Variants in DHX9 observed in about 807,000 individuals in gnomAD.
DHX9 encodes the protein DExH-box helicase 9.
Under a neutral mutation model 148.7 loss-of-function variants are expected in DHX9, and 27 were observed. The ratio of observed to expected loss-of-function variants is 0.18; its 90% CI spans 0.13 to 0.25. The LOEUF is 0.25. Ranked by LOEUF, DHX9 falls within the 10% of genes least tolerant of loss-of-function variation. The pLI is 1.00. For synonymous variants in DHX9, 529 were observed against 516.6 expected (o/e 1.02, Z -0.33); for missense variants, 796 against 1,559.6 (o/e 0.51, Z 8.25).
chr1:182,845,961 TA>T (rs1414277092), intron 3 of DHX9, among the ~76,000 whole-genome samples: 1 of 152,200 alleles, frequency 6.6e-6, no homozygotes, highest in African/African-American at 2.4e-5. Flanking sequence ...CTTTGGTTTT[TA>T]TGGAAACTTC....
chr1:182,867,064 A>G (rs1648324667), intron 14 of DHX9, 21 bp downstream of exon 14: 4 of 1,454,196 alleles, frequency 2.8e-6, no homozygotes, highest in Non-Finnish European at 3.8e-6. Context: ...TGAGAGGTAC[A>G]GTAAGGTACT....
chr1:182,853,512 T>C, intron 5 of DHX9, 94 bp downstream of exon 5: 1 of 897,602 alleles, frequency 1.1e-6, no homozygotes, highest in South Asian at 1.7e-5. Context: ...AAGTTAATAA[T>C]TGGGTGCATC....
chr1:182,839,376 G>A lies in DHX9; in HGVS notation c.-103G>A, dbSNP rs1176085503. 3.3e-5 allele frequency: 5 copies of A among 152,366 alleles called. No individual in the cohort carries two copies. The highest frequency in any genetic ancestry group is 2.1e-4 in the South Asian group (1 of 4,832). 9.4% of individuals were successfully genotyped at this position (152,366 alleles called of 1,614,324 possible). On this transcript the variant is annotated 5_prime_UTR_variant, in exon 1 of 28. Transcript: ENST00000367549. ...TTTCGCCGATTCCTCCATGCGAGTT[G>A]CTGTGCGTTTCTCTGTTGTCTCGGT...
rs755084781 is a variant in DHX9 at position 182,866,932 on chromosome 1, A to G, written c.1475-29A>G. 30 of 1,567,842 alleles carry G rather than the reference A, an allele frequency of 1.9e-5. No individual in the cohort carries two copies. In the Middle Eastern group the frequency reaches 8.9e-4, roughly 47 times the overall value. On this transcript the variant is annotated intron_variant, in intron 13 of 27. Transcript: ENST00000367549. ...TAGATTTACTACTTTGAACTTTTCT[A>G]TAGTTTATTGATTGTTTTTCTTTTC...
chr1:182,866,886 T>C (rs1388108847), intron 13 of DHX9, 75 bp from the exon 14 acceptor site: 2 of 1,170,240 alleles, frequency 1.7e-6, no homozygotes, highest in Non-Finnish European at 2.5e-6. Flanking sequence ...GTCTCTTAGT[T>C]GAAATATAGA....
At chr1:182,846,513 C>T (rs1374110829) in intron 3 of DHX9, among the ~76,000 whole-genome samples, 6 of 152,184 alleles carry the variant, frequency 3.9e-5, no homozygotes, top group Non-Finnish European at 7.3e-5. Flanking sequence ...GGATTACAGG[C>T]GTGAGCCACT....
intron 20 of DHX9, among the ~76,000 whole-genome samples, chr1:182,878,989 C>T (rs556927180): frequency 3.3e-5 from 5 of 152,320 alleles, no homozygotes; most frequent in East Asian, 1.9e-4. Flanking sequence ...TAATAACATT[C>T]GCGATTTTGG....
chr1:182,858,753 A>T lies in DHX9; in HGVS notation c.921A>T (p.Pro307=), dbSNP rs1437088164. 1 of 1,614,116 alleles carries T rather than the reference A, an allele frequency of 6.2e-7. No individual in the cohort carries two copies. Among genetic ancestry groups the T allele is most frequent in the Non-Finnish European group, 8.5e-7 (1 of 1,180,022 alleles). ...AATAGCCTGAAGATCCTTCTGTGCC[A>T]GTTGCACTCAACATTGGCAAATTGG... ...ILPPPEDPSV[P]VALNIGKLAQ... Residue 307 remains proline, a synonymous_variant, in exon 10 of 28, where the codon CCA becomes CCT. Transcript: ENST00000367549.
At chr1:182,847,279 A>G (rs1293342486) in intron 3 of DHX9, among the ~76,000 whole-genome samples, 1 of 152,134 alleles carries the variant, frequency 6.6e-6, no homozygotes, top group Non-Finnish European at 1.5e-5. Flanking sequence ...GTATCAAATA[A>G]TTTTTTATTG....
At chr1:182,852,090 C>T (rs1668161035) in intron 3 of DHX9, 143 bp from the exon 4 acceptor site, 2 of 558,268 alleles carry the variant, frequency 3.6e-6, no homozygotes, top group Admixed American at 7.0e-5. Context: ...ATGCACTGCT[C>T]TAGAGACTTA....
At chr1:182,873,106 A>C (rs554398460) in intron 15 of DHX9, among the ~76,000 whole-genome samples, 185 of 152,110 alleles carry the variant, frequency 1.2e-3, no homozygotes, top group Middle Eastern at 3.4e-3. Flanking sequence ...CAGGCGCACA[A>C]CACCACGCCT....
At chr1:182,842,814 T>C in intron 2 of DHX9, 137 bp downstream of exon 2, 1 of 581,476 alleles carries the variant, frequency 1.7e-6, no homozygotes, top group South Asian at 2.7e-5. Context: ...TTGACTGCTA[T>C]TGTAAATCAT....
chr1:182,875,168 G>T (rs768489891), intron 16 of DHX9: 2 of 580,982 alleles, frequency 3.4e-6, no homozygotes, highest in Non-Finnish European at 6.5e-6. Flanking sequence ...ATTATCTCTG[G>T]CGTAAAGATC....
intron 23 of DHX9, 28 bp downstream of exon 23, chr1:182,881,453 T>A (rs774567187): frequency 6.2e-7 from 1 of 1,610,660 alleles, no homozygotes; most frequent in South Asian, 1.1e-5. Context: ...GTGAGCTGTC[T>A]GTAGTTTCTC....
chr1:182,881,264 C>T lies in DHX9; in HGVS notation c.2625C>T (p.Tyr875=), dbSNP rs116290610. 6.3e-3 allele frequency: 10,203 copies of T among 1,611,216 alleles called. 63 individuals carry two copies. Among genetic ancestry groups the T allele is most frequent in the African/African-American group, 0.019 (1,442 of 74,822 alleles). Residue 875 remains tyrosine (Y), a splice_region_variant and synonymous_variant, in exon 23 of 28, where the codon TAC becomes TAT. Coordinates refer to ENST00000367549, the MANE Select transcript of DHX9 (RefSeq NM_001357.5). ...GKMMIMGCIF[Y]VGDAICTIAA... ...ATTTAACTGTCTTTGTGTATTTCAGCGTGGGAGATGCTATCTGTACCATTG... is the reference window on the plus strand; with the variant it reads ...ATTTAACTGTCTTTGTGTATTTCAGTGTGGGAGATGCTATCTGTACCATTG...
Position 182,887,532 on chromosome 1 carries a change from G to T in DHX9, c.*98G>T. On this transcript the variant is annotated 3_prime_UTR_variant, in exon 28 of 28. Transcript: ENST00000367549. ...CAGTATGTTTATTTGCCACCAAAAAGTAAATGCATTTTCACCCATTCTGTG... is the reference window on the plus strand; with the variant it reads ...CAGTATGTTTATTTGCCACCAAAAATTAAATGCATTTTCACCCATTCTGTG... 1 of 1,106,708 alleles carries T rather than the reference G, an allele frequency of 9.0e-7. No individual in the cohort carries two copies. 68.6% of individuals were successfully genotyped at this position (1,106,708 alleles called of 1,614,324 possible).
chr1:182,859,423 G>C (rs143056951), intron 11 of DHX9, among the ~76,000 whole-genome samples: 1 of 152,146 alleles, frequency 6.6e-6, no homozygotes, highest in Non-Finnish European at 1.5e-5. Flanking sequence ...AAAAGAATGC[G>C]TGTGCGACTT....
chr1:182,882,902 A>G (rs531674285), intron 24 of DHX9, among the ~76,000 whole-genome samples: 24 of 151,602 alleles, frequency 1.6e-4, no homozygotes, highest in African/African-American at 5.8e-4. Context: ...AAGCTTATTT[A>G]TGGTTGAGTC....
rs555207082 is a variant in DHX9, at chr1:182,865,538, G to C, written c.1333-906G>C. Among the ~76,000 whole-genome samples the C allele has an allele frequency of 2.6e-5, 4 of 152,182 alleles. No homozygotes were observed. In the South Asian group the frequency reaches 8.3e-4, roughly 32 times the overall value. Reference sequence around the variant, plus strand: ...TATTAAAAGGATTGTTTAGTAAAAAGAAGATAGTGATCAGTAAGAGCTACC... The same window carrying C: ...TATTAAAAGGATTGTTTAGTAAAAACAAGATAGTGATCAGTAAGAGCTACC... On this transcript the variant is annotated intron_variant, in intron 12 of 27. Transcript: ENST00000367549.
Sources: allele counts gnomAD v4.1 joint callset (sites outside exome capture counted in the v4.1 genomes callset), GRCh38; gene constraint gnomAD v4.1.1; transcripts MANE v1.5; gene names NCBI Gene and HGNC (gene_info 2026-07-23, HGNC 2026-07-21).